The following NR3C1 variants were observed in gnomAD, a reference collection of about 807,000 sequenced individuals.
NR3C1 encodes the protein nuclear receptor subfamily 3 group C member 1.
A neutral mutation model predicts 74.0 loss-of-function variants in NR3C1; 14 were observed. That is an observed-to-expected ratio of 0.19 (90% CI 0.12 to 0.30). The LOEUF is 0.30. Ranked by LOEUF, NR3C1 falls within the 10% of genes least tolerant of loss-of-function variation. The pLI, the probability that NR3C1 is intolerant of heterozygous loss-of-function variation, is 1.00. For synonymous variants in NR3C1, 308 were observed against 332.5 expected, an observed-to-expected ratio of 0.93 and a Z score of 0.80; for missense variants, 695 against 909.8, an observed-to-expected ratio of 0.76 and a Z score of 3.04.
rs61752260 is a variant in NR3C1 at position 143,387,524 on chromosome 5, A to C, written c.1184+12132T>G. Among the ~76,000 whole-genome samples the C allele has an allele frequency of 4.4e-3, 671 of 152,134 alleles. 2 individuals are homozygous for C. Among genetic ancestry groups the C allele is most frequent in the African/African-American group, 0.015 (639 of 41,494 alleles). On this transcript the variant is annotated intron_variant, in intron 2 of 8. Coordinates refer to ENST00000394464, the MANE Select transcript of NR3C1 (RefSeq NM_000176.3). ...CTCCTAATTCTTCAGCTATTCATTT[A>C]TTTTGTGGCTGCTCTCTTTGGTTGC...
At chr5:143,373,624 GACT>G (rs1374813032) in intron 2 of NR3C1, among the ~76,000 whole-genome samples, 2 of 151,796 alleles carry the variant, frequency 1.3e-5, no homozygotes, top group Non-Finnish European at 2.9e-5. Context: ...AAAAAAAAAA[GACT>G]ACATTTAATG....
At chr5:143,433,381 A>C (rs1181382194) in intron 1 of NR3C1, among the ~76,000 whole-genome samples, 1 of 135,084 alleles carries the variant, frequency 7.4e-6, no homozygotes, top group Non-Finnish European at 1.6e-5. Context: ...AGCTGATGGA[A>C]ACAGCACTAA....
chr5:143,364,677 T>C (rs1224413324), intron 2 of NR3C1, among the ~76,000 whole-genome samples: 1 of 152,100 alleles, frequency 6.6e-6, no homozygotes, highest in African/African-American at 2.4e-5. Flanking sequence ...ACTGTTGAAG[T>C]TGAGTTGATA....
chr5:143,377,637 A>C (rs1835443316), intron 2 of NR3C1, among the ~76,000 whole-genome samples: 1 of 152,252 alleles, frequency 6.6e-6, no homozygotes, highest in Non-Finnish European at 1.5e-5. Context: ...CTGAAAAGGT[A>C]CAAGGTCCTT....
intron 1 of NR3C1, among the ~76,000 whole-genome samples, chr5:143,411,638 G>GA (rs1186070079): frequency 6.6e-6 from 1 of 152,110 alleles, no homozygotes; most frequent in African/African-American, 2.4e-5. Context: ...ATGGTTCTGT[G>GA]AAAATCACAT....
intron 2 of NR3C1, among the ~76,000 whole-genome samples, chr5:143,395,997 G>A (rs1839114460): frequency 6.6e-6 from 1 of 151,860 alleles, no homozygotes; most frequent in South Asian, 2.1e-4. Context: ...TTCATAAAAT[G>A]TATAAACATT....
chr5:143,359,562 G>A (rs907940291), intron 2 of NR3C1, among the ~76,000 whole-genome samples: 20 of 152,156 alleles, frequency 1.3e-4, no homozygotes, highest in African/African-American at 4.3e-4. Flanking sequence ...ATGGTATAGC[G>A]TCAAGGCTGC....
At chr5:143,388,377 TA>T (rs1329213356) in intron 2 of NR3C1, among the ~76,000 whole-genome samples, 7 of 152,222 alleles carry the variant, frequency 4.6e-5, no homozygotes, top group South Asian at 2.1e-4. Flanking sequence ...ATTAGAAATA[TA>T]ATCCATTCCT....
chr5:143,405,695 T>A (rs1236364786), upstream of NR3C1, among the ~76,000 whole-genome samples: 9 of 152,118 alleles, frequency 5.9e-5, no homozygotes, highest in African/African-American at 1.9e-4. Flanking sequence ...GAACCAACCG[T>A]ATGCCAACGT....
At chr5:143,306,033 T>C (rs1015937747) in intron 4 of NR3C1, among the ~76,000 whole-genome samples, 1 of 152,188 alleles carries the variant, frequency 6.6e-6, no homozygotes. Flanking sequence ...ATACTTTGGA[T>C]TGATTACAAT....
chr5:143,400,526 G>C lies in NR3C1; in HGVS notation c.314C>G (p.Pro105Arg), dbSNP rs1353083246. 6.2e-7 allele frequency: 1 copy of C among 1,614,224 alleles called. No individual in the cohort carries two copies. The highest frequency in any genetic ancestry group is 1.1e-5 in the South Asian group (1 of 91,078). The stretch of plus-strand genomic sequence containing the variant: ...GGAAAGGCTGATTTGGCCCTGCTGT[G>C]GGAATCCCAGGTCATTTCCCATCAC... ...TKVMGNDLGF[P>R]QQGQISLSSG... The change falls in exon 2 of 9, where the codon CCA becomes CGA. Residue 105 changes from proline (P) to arginine (R), a missense_variant. Coordinates refer to ENST00000394464, the MANE Select transcript of NR3C1 (RefSeq NM_000176.3).
chr5:143,338,088 G>A (rs1163655324), intron 2 of NR3C1, among the ~76,000 whole-genome samples: 2 of 152,108 alleles, frequency 1.3e-5, no homozygotes, highest in East Asian at 1.9e-4. Context: ...TTATAGTGAT[G>A]GTCCCATAAA....
chr5:143,294,687 G>A (rs1397321591), intron 7 of NR3C1, among the ~76,000 whole-genome samples: 1 of 151,742 alleles, frequency 6.6e-6, no homozygotes, highest in African/African-American at 2.4e-5. Context: ...TTTTTTTGCT[G>A]TCTTCACAGT....
At chr5:143,351,559 C>T (rs1377970835) in intron 2 of NR3C1, among the ~76,000 whole-genome samples, 3 of 152,088 alleles carry the variant, frequency 2.0e-5, no homozygotes, top group East Asian at 1.9e-4. Flanking sequence ...ACAGAACTGT[C>T]ATAAAACACA....
chr5:143,426,657 A>G (rs1751544665), intron 1 of NR3C1, among the ~76,000 whole-genome samples: 1 of 152,378 alleles, frequency 6.6e-6, no homozygotes, highest in South Asian at 2.1e-4. Context: ...CCCACATGAT[A>G]ATTCATCTGC....
chr5:143,424,575 G>C (rs1040930201), intron 1 of NR3C1, among the ~76,000 whole-genome samples: 2 of 152,084 alleles, frequency 1.3e-5, no homozygotes, highest in Non-Finnish European at 2.9e-5. Flanking sequence ...CTTAAGCATG[G>C]CTTTGGGACC....
In NR3C1 at chr5:143,400,815, G is replaced by A. The variant is rs61759024; in HGVS notation, c.25C>T (p.Pro9Ser). ...CTGCTGGGGTTTTCTTCTCTACCAG[G>A]AGTTAATGATTCTTTGGAGTCCATC... MDSKESLT[P>S]GREENPSSVL... Residue 9 changes from proline (P) to serine (S), a missense_variant, in exon 2 of 9, where the codon CCT (proline) becomes TCT (serine). Around this residue, in one of 4 missense-constraint regions of NR3C1, gnomAD observed 497 missense variants for 489.5 expected, o/e 1.02. Transcript: ENST00000394464. The A allele has an allele frequency of 6.8e-5, 110 of 1,613,904 alleles. 2 individuals are homozygous for A. The Admixed American group carries it at 7.5e-4, about 11-fold the overall frequency.
chr5:143,346,627 C>T (rs193135290), intron 2 of NR3C1, among the ~76,000 whole-genome samples: 19 of 152,142 alleles, frequency 1.2e-4, no homozygotes, highest in African/African-American at 4.3e-4. Context: ...AAGGAGATCG[C>T]CACCAAAATA....
chr5:143,419,801 G>C (rs1014131191), intron 1 of NR3C1, among the ~76,000 whole-genome samples: 16 of 152,162 alleles, frequency 1.1e-4, no homozygotes, highest in African/African-American at 3.4e-4. Flanking sequence ...CTTATCAGGA[G>C]ACAGGGTTTG....
Sources: gnomAD v4.1 joint callset for allele counts (sites outside exome capture counted in the v4.1 genomes callset) on GRCh38, gnomAD v4.1.1 for gene constraint, gnomAD v4.1.1 regional missense constraint, MANE v1.5 for transcripts, NCBI Gene and HGNC (gene_info 2026-07-23, HGNC 2026-07-21) for gene names.